DCDC1: variants seen among roughly 807,000 people sequenced by gnomAD.
DCDC1 encodes the protein doublecortin domain-containing protein 1.
Under a neutral mutation model 178.3 loss-of-function variants are expected in DCDC1, and 200 were observed. That is an observed-to-expected ratio of 1.12 (90% CI 1.00 to 1.26). DCDC1 has a LOEUF of 1.26. Among genes scored for constraint, DCDC1 ranks in the 50% most tolerant of loss-of-function variants. DCDC1 has a pLI of 0.00. For synonymous variants in DCDC1, 690 were observed against 604.8 expected (o/e 1.14, Z -2.07); for missense variants, 1,983 against 1,749.2 (o/e 1.13, Z -2.38).
chr11:31,221,733 G>T (rs1591459036), intron 9 of DCDC1, among the ~76,000 whole-genome samples: 1 of 152,138 alleles, frequency 6.6e-6, no homozygotes, highest in Non-Finnish European at 1.5e-5. Flanking sequence ...TTATCAAAGG[G>T]TTGCTCAGCC....
intron 17 of DCDC1, among the ~76,000 whole-genome samples, chr11:31,087,983 G>C (rs1957581267): frequency 6.6e-6 from 1 of 151,952 alleles, no homozygotes; most frequent in African/African-American, 2.4e-5. Context: ...TTTCACTTCA[G>C]GTATTTTGAA....
chr11:31,106,454 C>T (rs1591064533), intron 13 of DCDC1, among the ~76,000 whole-genome samples: 6 of 152,142 alleles, frequency 3.9e-5, no homozygotes, highest in Admixed American at 3.9e-4. Flanking sequence ...GGGCAGTGTG[C>T]GACAATGACA....
intron 8 of DCDC1, among the ~76,000 whole-genome samples, chr11:31,251,506 A>G (rs909172845): frequency 2.0e-5 from 3 of 152,078 alleles, no homozygotes; most frequent in Non-Finnish European, 4.4e-5. Flanking sequence ...CTAACTATGC[A>G]TAGATTCTAT....
chr11:30,997,170 G>C (rs759668266), intron 20 of DCDC1, among the ~76,000 whole-genome samples: 19 of 152,230 alleles, frequency 1.2e-4, no homozygotes, highest in Non-Finnish European at 2.5e-4. Context: ...GTAGTTGCCA[G>C]AGACAGGGGT....
intron 20 of DCDC1, among the ~76,000 whole-genome samples, chr11:31,020,008 C>A (rs1952761402): frequency 6.6e-6 from 1 of 152,164 alleles, no homozygotes; most frequent in Non-Finnish European, 1.5e-5. Context: ...CCTTTCAACC[C>A]CTTCATGGAA....
intron 20 of DCDC1, among the ~76,000 whole-genome samples, chr11:30,991,574 C>A (rs1389226143): frequency 1.3e-5 from 2 of 152,166 alleles, no homozygotes; most frequent in Non-Finnish European, 2.9e-5. Flanking sequence ...GCACCACCGA[C>A]GTCACTAGGT....
At position 30,898,192 on chromosome 11, in the gene DCDC1, A is replaced by G. The variant is rs184628542; in HGVS notation, c.4765+1349T>C. Among the ~76,000 whole-genome samples, 125 of 152,316 alleles carry G rather than the reference A, an allele frequency of 8.2e-4. 1 individual carries two copies. Among genetic ancestry groups the G allele is most frequent in the African/African-American group, 2.8e-3 (118 of 41,572 alleles). On this transcript the variant is annotated intron_variant, in intron 34 of 38. Coordinates refer to ENST00000684477, the MANE Select transcript of DCDC1 (RefSeq NM_001387274.1). Reference sequence around the variant, plus strand: ...CTGAGGAGTTTCAAGGATTTGTCCTAAAGATAATAGGAAACCTTGCAAGAT... The same window carrying G: ...CTGAGGAGTTTCAAGGATTTGTCCTGAAGATAATAGGAAACCTTGCAAGAT...
intron 18 of DCDC1, among the ~76,000 whole-genome samples, chr11:31,076,702 G>A (rs889489275): frequency 1.3e-5 from 2 of 152,132 alleles, no homozygotes; most frequent in African/African-American, 4.8e-5. Context: ...CTGGATTTAT[G>A]TTTGGATTTC....
At chr11:31,222,574 C>T (rs1974392726) in intron 9 of DCDC1, among the ~76,000 whole-genome samples, 1 of 152,194 alleles carries the variant, frequency 6.6e-6, no homozygotes, top group Non-Finnish European at 1.5e-5. Context: ...GCTGCTATAA[C>T]AAGCTACCAT....
intron 9 of DCDC1, among the ~76,000 whole-genome samples, chr11:31,195,357 C>A (rs560895941): frequency 6.6e-6 from 1 of 152,138 alleles, no homozygotes; most frequent in Admixed American, 6.6e-5. Context: ...CTCTAACAAT[C>A]CTTTAAAAGC....
chr11:31,264,605 C>T (rs1317046661), intron 8 of DCDC1, among the ~76,000 whole-genome samples: 3 of 152,178 alleles, frequency 2.0e-5, no homozygotes, highest in Non-Finnish European at 4.4e-5. Flanking sequence ...ATAGGAATTA[C>T]AGTTTCTCTG....
intron 1 of DCDC1, among the ~76,000 whole-genome samples, chr11:31,368,045 C>A (rs1952053877): frequency 6.6e-6 from 1 of 151,968 alleles, no homozygotes; most frequent in South Asian, 2.1e-4. Flanking sequence ...GCAAACCAAC[C>A]AGAAAAAGAC....
chr11:31,143,430 G>A (rs1208805362), intron 9 of DCDC1, among the ~76,000 whole-genome samples: 1 of 152,106 alleles, frequency 6.6e-6, no homozygotes, highest in East Asian at 1.9e-4. Context: ...AGAGAGAAAG[G>A]GCATGGCTGA....
intron 9 of DCDC1, among the ~76,000 whole-genome samples, chr11:31,174,227 G>A (rs1184428667): frequency 6.6e-6 from 1 of 152,194 alleles, no homozygotes; most frequent in Non-Finnish European, 1.5e-5. Flanking sequence ...GCCCTACCAA[G>A]CCCCTGCAGG....
chr11:31,306,442 T>C, intron 4 of DCDC1, 54 bp from the exon 5 acceptor site: 2 of 1,507,128 alleles, frequency 1.3e-6, no homozygotes, highest in Non-Finnish European at 1.8e-6. Flanking sequence ...TGAAAGCTTT[T>C]AAATAAATAT....
At chr11:31,324,278 T>C (rs1402995343) in intron 3 of DCDC1, among the ~76,000 whole-genome samples, 1 of 151,602 alleles carries the variant, frequency 6.6e-6, no homozygotes, top group Non-Finnish European at 1.5e-5. Flanking sequence ...CATCTGAGCA[T>C]AGCATCGGGG....
At chr11:31,146,509 T>C (rs1168444315) in intron 9 of DCDC1, among the ~76,000 whole-genome samples, 1 of 152,126 alleles carries the variant, frequency 6.6e-6, no homozygotes, top group Non-Finnish European at 1.5e-5. Context: ...CCTCAAGGTG[T>C]TGGGGGAAGG....
chr11:31,056,097 G>C (rs1336076104), intron 20 of DCDC1, among the ~76,000 whole-genome samples: 1 of 152,104 alleles, frequency 6.6e-6, no homozygotes, highest in African/African-American at 2.4e-5. Context: ...CAAGGTTCTT[G>C]AATTGTTTGT....
intron 9 of DCDC1, among the ~76,000 whole-genome samples, chr11:31,208,313 G>C (rs530597913): frequency 2.0e-5 from 3 of 152,202 alleles, no homozygotes; most frequent in Admixed American, 2.0e-4. Context: ...CCCAGAAGTA[G>C]GACACATCTT....
Sources: gnomAD v4.1 joint callset for allele counts (sites outside exome capture counted in the v4.1 genomes callset) on GRCh38, gnomAD v4.1.1 for gene constraint, MANE v1.5 for transcripts, NCBI Gene and HGNC (gene_info 2026-07-23, HGNC 2026-07-21) for gene names.